Variants in CHD2 observed in about 807,000 individuals in gnomAD.
CHD2 encodes ATP-dependent chromatin remodeler CHD2.
Under a neutral mutation model 243.9 loss-of-function variants are expected in CHD2, and 28 were observed. The ratio of observed to expected loss-of-function variants is 0.11; its 90% CI spans 0.09 to 0.16. The LOEUF is 0.16. Ranked by LOEUF, CHD2 falls within the 10% of genes least tolerant of loss-of-function variation. The probability of loss-of-function intolerance (pLI) is 1.00; values close to 1 mark genes in which losing one functional copy is unlikely to be tolerated. For missense variants in CHD2, 1,386 were observed against 2,209.8 expected, an observed-to-expected ratio of 0.63 and a Z score of 7.47; for synonymous variants, 775 against 779.0, an observed-to-expected ratio of 0.99 and a Z score of 0.09.
At position 92,940,970 on chromosome 15, in the gene CHD2, A is replaced by ATAT. The variant is rs1567134598; in HGVS notation, c.693-852_693-851insTAT. ...ATAAATATAAATATATATAAATATAAATATAAATATAAATATATATATAAA... is the reference window on the plus strand; with the variant it reads ...ATAAATATAAATATATATAAATATAATATATATAAATATAAATATATATATAAA... On this transcript the variant is annotated intron_variant, in intron 7 of 38. Transcript: ENST00000394196. 9.6e-3 allele frequency among the ~76,000 whole-genome samples: 302 copies of ATAT among 31,428 alleles called. 4 individuals carry two copies. The highest frequency in any genetic ancestry group is 0.022 in the African/African-American group (287 of 13,072). 20.6% of individuals were successfully genotyped at this position (31,428 alleles called of 152,430 possible). A position where few individuals can be genotyped will look rare whatever the true frequency, so the allele number is the denominator to read the frequency against.
intron 5 of CHD2, among the ~76,000 whole-genome samples, chr15:92,934,354 T>C (rs2053227600): frequency 6.6e-6 from 1 of 151,762 alleles, no homozygotes; most frequent in African/African-American, 2.4e-5. Context: ...GGCTAAATCT[T>C]GGTATTTTTC....
At chr15:92,924,118 A>G (rs1232134987) in intron 2 of CHD2, among the ~76,000 whole-genome samples, 1 of 152,202 alleles carries the variant, frequency 6.6e-6, no homozygotes, top group Non-Finnish European at 1.5e-5. Context: ...GTAAACATTC[A>G]GGAAAGGGTA....
intron 12 of CHD2, chr15:92,947,579 G>T (rs572044270): frequency 6.6e-6 from 1 of 152,322 alleles, no homozygotes; most frequent in South Asian, 2.1e-4. Context: ...AAAGCTTCAT[G>T]TAATAGCAGT....
In CHD2 at chr15:92,901,174, C is replaced by T; in HGVS notation, c.-64C>T. 2 of 944,738 alleles carry T rather than the reference C, an allele frequency of 2.1e-6. No homozygotes were observed. The highest frequency in any genetic ancestry group is 1.4e-5 in the South Asian group (1 of 73,552). The allele number at this position is 944,738 out of a possible 1,614,324, so 58.5% of individuals were successfully genotyped here. On this transcript the variant is annotated 5_prime_UTR_variant, in exon 2 of 39. Coordinates refer to ENST00000394196, the MANE Select transcript of CHD2 (RefSeq NM_001271.4). ...TCTTTCAACTTTTGACAGTAAATAC[C>T]TGGGCACAGGACTTCAAAGCAAACA...
intron 13 of CHD2, 54 bp from the exon 14 acceptor site, chr15:92,953,303 G>A (rs1414292327): frequency 6.9e-7 from 1 of 1,452,248 alleles, no homozygotes; most frequent in African/African-American, 1.4e-5. Context: ...TGCACATTCT[G>A]TGTTTTGGTG....
intron 36 of CHD2, among the ~76,000 whole-genome samples, chr15:93,014,195 A>AT (rs1406975061): frequency 6.6e-6 from 1 of 151,962 alleles, no homozygotes; most frequent in Admixed American, 6.6e-5. Flanking sequence ...GGGTCACTTT[A>AT]TTTTTTTTAT....
At chr15:92,904,021 G>A (rs1458974310) in intron 2 of CHD2, among the ~76,000 whole-genome samples, 1 of 152,194 alleles carries the variant, frequency 6.6e-6, no homozygotes, top group African/African-American at 2.4e-5. Flanking sequence ...TAAAAAACGG[G>A]ATTTTGGAGA....
At chr15:92,923,858 C>G (rs1596379132) in intron 2 of CHD2, among the ~76,000 whole-genome samples, 1 of 152,124 alleles carries the variant, frequency 6.6e-6, no homozygotes, top group East Asian at 1.9e-4. Flanking sequence ...GCCACCGCGC[C>G]CGGCCTGCTT....
At chr15:92,944,093 T>G (rs1166581576) in intron 9 of CHD2, 1 of 167,040 alleles carries the variant, frequency 6.0e-6, no homozygotes, top group Non-Finnish European at 1.3e-5. Flanking sequence ...TTATCCTGAT[T>G]TGTTGAGATG....
chr15:92,976,683 A>G (rs1258007398), intron 20 of CHD2, among the ~76,000 whole-genome samples: 1 of 150,524 alleles, frequency 6.6e-6, no homozygotes, highest in Non-Finnish European at 1.5e-5. Flanking sequence ...TCCCCATGTT[A>G]TTAAAGATTT....
chr15:92,942,803 G>T, intron 8 of CHD2, 40 bp from the exon 9 acceptor site: 1 of 1,495,342 alleles, frequency 6.7e-7, no homozygotes, highest in Non-Finnish European at 9.0e-7. Flanking sequence ...AATATCTGGT[G>T]TAATATACTC....
intron 5 of CHD2, 106 bp from the exon 6 acceptor site, chr15:92,937,412 G>C (rs2053284419): frequency 2.8e-6 from 2 of 714,380 alleles, no homozygotes; most frequent in Admixed American, 5.5e-5. Context: ...TCTAAAATGT[G>C]CATGTTCTGC....
chr15:92,971,897 T>A lies in CHD2; in HGVS notation c.2322T>A (p.Asn774Lys). ...HCYLIKPPEENERENGQEILL... is the reference protein window; with the variant it reads ...HCYLIKPPEEKERENGQEILL... ...ATCTGATTAAACCCCCTGAAGAAAA[T>A]GAAAGGGAAAATGGACAGGAGATTC... The change falls in exon 18 of 39, where the codon AAT becomes AAA. Residue 774 changes from asparagine to lysine, a missense_variant. Physicochemically the swap from Asn to Lys is moderately conservative, Grantham distance 94. Transcript: ENST00000394196. The A allele has an allele frequency of 6.2e-7, 1 of 1,612,066 alleles. No homozygotes were observed. The highest frequency in any genetic ancestry group is 1.7e-4 in the Middle Eastern group (1 of 6,052).
At chr15:92,950,123 T>A (rs1020976923) in intron 13 of CHD2, among the ~76,000 whole-genome samples, 11 of 152,168 alleles carry the variant, frequency 7.2e-5, no homozygotes, top group Admixed American at 6.5e-4. Context: ...TTCGGACATG[T>A]CTGAGCAGGT....
chr15:92,972,421 A>G lies in CHD2; in HGVS notation c.2505+4A>G, dbSNP rs767309501. 7 of 1,583,092 alleles carry G rather than the reference A, an allele frequency of 4.4e-6. No individual in the cohort carries two copies. The highest frequency in any genetic ancestry group is 5.1e-6 in the Non-Finnish European group (6 of 1,167,186). ...TATTAAACACTATCCTTTCCAGGTAAGGTGATTTCAGTAATTGCTGTGGGG... is the reference window on the plus strand; with the variant it reads ...TATTAAACACTATCCTTTCCAGGTAGGGTGATTTCAGTAATTGCTGTGGGG... On this transcript the variant is annotated splice_donor_region_variant and intron_variant, in intron 19 of 38. Coordinates refer to ENST00000394196, the MANE Select transcript of CHD2 (RefSeq NM_001271.4).
Position 92,957,824 on chromosome 15 carries a change from C to G in CHD2, c.2000+1175C>G, listed in dbSNP as rs114862698. On this transcript the variant is annotated intron_variant, in intron 16 of 38. Transcript: ENST00000394196. ...CCCCTTGCTTGTTTGCAGTTAACCT[C>G]TGCTTCCACATATAGCCTTAGGCAA... Among the ~76,000 whole-genome samples, 309 of 152,292 alleles carry G rather than the reference C, an allele frequency of 2.0e-3. 1 individual carries two copies. Among genetic ancestry groups the G allele is most frequent in the African/African-American group, 6.5e-3 (270 of 41,562 alleles).
At position 92,956,471 on chromosome 15, in the gene CHD2, A is replaced by G. The variant is rs1431715184; in HGVS notation, c.1822A>G (p.Ser608Gly). The G allele has an allele frequency of 6.2e-7, 1 of 1,613,714 alleles. No individual in the cohort carries two copies. The highest frequency in any genetic ancestry group is 8.5e-7 in the Non-Finnish European group (1 of 1,179,764). ...ILLKDKTVLG[S>G]INWAFLGVDE... ...GTTTTTACTTTAGACTGTGCTGGGC[A>G]GTATTAACTGGGCCTTTCTGGGAGT... Residue 608 changes from serine to glycine, a missense_variant, in exon 16 of 39, where the codon AGT becomes GGT. This residue lies in a region of CHD2 where 63 missense variants were observed against 108.8 expected (regional missense o/e 0.58). Coordinates refer to ENST00000394196, the MANE Select transcript of CHD2 (RefSeq NM_001271.4).
intron 26 of CHD2, among the ~76,000 whole-genome samples, chr15:92,986,717 C>T (rs1296854538): frequency 3.9e-5 from 6 of 152,056 alleles, no homozygotes; most frequent in Admixed American, 6.6e-5. Context: ...CATTGATTTT[C>T]TGTATAGTTG....
chr15:92,907,037 A>G (rs2052636440), intron 2 of CHD2, among the ~76,000 whole-genome samples: 3 of 152,218 alleles, frequency 2.0e-5, no homozygotes, highest in African/African-American at 7.2e-5. Context: ...TTTTGTGATC[A>G]GTAATTCAGC....
Sources: allele counts gnomAD v4.1 joint callset (sites outside exome capture counted in the v4.1 genomes callset), GRCh38; gene constraint gnomAD v4.1.1; regional missense constraint gnomAD v4.1.1; transcripts MANE v1.5; gene names NCBI Gene and HGNC (gene_info 2026-07-23, HGNC 2026-07-21).